The following CRHR2 variants were observed in gnomAD, a reference collection of about 807,000 sequenced individuals.
CRHR2 encodes the protein corticotropin-releasing hormone receptor 2.
CRHR2 carries 53 observed loss-of-function variants against 57.9 expected under a neutral mutation model. That is an observed-to-expected ratio of 0.92 (90% CI 0.73 to 1.15). The LOEUF is 1.15. Ranked by LOEUF, CRHR2 falls within the 50% of genes most tolerant of loss-of-function variation. The pLI is 0.00. For synonymous variants in CRHR2, 213 were observed against 220.9 expected (o/e 0.96, Z 0.32); for missense variants, 532 against 542.6 (o/e 0.98, Z 0.19).
At position 30,652,560 on chromosome 7, in the gene CRHR2, A is replaced by T. The variant is rs531183626; in HGVS notation, c.*900T>A. ...ACACCACTCTTCGGGTGCCTGGGTG[A>T]CTTGACCTGAGGGGAGGCCACTTCC... is the stretch of plus-strand genomic sequence containing the variant. On this transcript the variant is annotated 3_prime_UTR_variant, in exon 12 of 12. Transcript: ENST00000471646. The surrounding 1 kb of genome is among the most constrained non-coding windows in gnomAD (Gnocchi z 4.4). 6.6e-6 allele frequency: 1 copy of T among 152,416 alleles called. No homozygotes were observed. The highest frequency in any genetic ancestry group is 1.5e-5 in the Non-Finnish European group (1 of 68,088). 9.4% of individuals were successfully genotyped at this position (152,416 alleles called of 1,614,324 possible).
chr7:30,684,288 A>T (rs957586618), upstream of CRHR2, among the ~76,000 whole-genome samples: 1 of 152,250 alleles, frequency 6.6e-6, no homozygotes, highest in Non-Finnish European at 1.5e-5. Context: ...CCATGTATTC[A>T]CAGGGCAATA....
chr7:30,657,766 GTCCA>G (rs372801059), intron 8 of CRHR2, among the ~76,000 whole-genome samples: 86 of 151,722 alleles, frequency 5.7e-4, no homozygotes, highest in African/African-American at 1.7e-3. Context: ...TTATCCATCC[GTCCA>G]TCCATCCATC....
chr7:30,673,386 TTTTG>T (rs1477553143), intron 2 of CRHR2, among the ~76,000 whole-genome samples: 2 of 152,132 alleles, frequency 1.3e-5, no homozygotes, highest in African/African-American at 2.4e-5. Flanking sequence ...TTTGTTATTT[TTTTG>T]TTTGTTTTGT....
chr7:30,677,379 G>A (rs1276184740), intron 2 of CRHR2, among the ~76,000 whole-genome samples: 1 of 152,110 alleles, frequency 6.6e-6, no homozygotes, highest in Non-Finnish European at 1.5e-5. Flanking sequence ...GGAGAGGTGG[G>A]AGGAAAATGG....
upstream of CRHR2, chr7:30,686,442 C>T: frequency 1.3e-6 from 2 of 1,533,074 alleles, no homozygotes; most frequent in Non-Finnish European, 1.7e-6. Context: ...CCAAGGCTCT[C>T]TTCCCATTTG....
chr7:30,682,375 G>A lies in CRHR2; in HGVS notation c.-95C>T. On this transcript the variant is annotated 5_prime_UTR_variant, in exon 1 of 12. Coordinates refer to ENST00000471646, the MANE Select transcript of CRHR2 (RefSeq NM_001883.5). ...CGAGAGTGAGCGGCCGAGAGGGCGC[G>A]GGGTCCTGGCCCCCGCCAGCCCAGC... is the stretch of plus-strand genomic sequence containing the variant. The A allele has an allele frequency of 7.1e-7, 1 of 1,410,282 alleles. No homozygotes were observed. The highest frequency in any genetic ancestry group is 1.5e-5 in the South Asian group (1 of 65,206). The allele number at this position is 1,410,282 out of a possible 1,614,324, so 87.4% of individuals were successfully genotyped here.
At chr7:30,679,034 C>G (rs1407425372) in intron 2 of CRHR2, among the ~76,000 whole-genome samples, 2 of 152,142 alleles carry the variant, frequency 1.3e-5, no homozygotes, top group Non-Finnish European at 2.9e-5. Flanking sequence ...CTCATTGTTT[C>G]TTTCTCCTAC....
intron 1 of CRHR2, among the ~76,000 whole-genome samples, chr7:30,689,847 C>T (rs183842317): frequency 1.7e-4 from 26 of 152,290 alleles, no homozygotes; most frequent in African/African-American, 4.3e-4. Flanking sequence ...TAGGTTAATA[C>T]GTGAGAGAAG....
chr7:30,675,722 T>A (rs955160351), intron 2 of CRHR2, among the ~76,000 whole-genome samples: 14 of 152,310 alleles, frequency 9.2e-5, no homozygotes, highest in East Asian at 3.9e-4. Flanking sequence ...TTGGAATAAC[T>A]CCCTTCCATG....
chr7:30,686,536 C>T (rs529958060), upstream of CRHR2: 1 of 1,508,876 alleles, frequency 6.6e-7, no homozygotes, highest in South Asian at 1.2e-5. Context: ...TGGCCAGGTG[C>T]AGTGGCTCAC....
chr7:30,687,979 C>T (rs1355382406), intron 2 of CRHR2, among the ~76,000 whole-genome samples: 1 of 152,208 alleles, frequency 6.6e-6, no homozygotes, highest in African/African-American at 2.4e-5. Flanking sequence ...GATGAGGAAA[C>T]TAGCTTCAGA....
chr7:30,697,202 G>C (rs1785075719), intron 1 of CRHR2, among the ~76,000 whole-genome samples: 1 of 152,156 alleles, frequency 6.6e-6, no homozygotes, highest in African/African-American at 2.4e-5. Context: ...TCTGTGTTCT[G>C]TTCTCTTTGT....
At chr7:30,654,813 G>A in intron 11 of CRHR2, 1 of 1,539,376 alleles carries the variant, frequency 6.5e-7, no homozygotes, top group Non-Finnish European at 8.7e-7. Flanking sequence ...CCAGCTCTGA[G>A]TGCACATGTG....
intron 8 of CRHR2, among the ~76,000 whole-genome samples, chr7:30,657,787 GCCATTCAT>G (rs1399160033): frequency 1.3e-5 from 2 of 151,656 alleles, no homozygotes; most frequent in African/African-American, 2.4e-5. Context: ...CATCCATCCA[GCCATTCAT>G]CCATTCATCC....
Position 30,697,691 on chromosome 7 carries a change from G to C in CRHR2, c.-261+2253C>G, listed in dbSNP as rs1372999395. ...GCTCAGAGAGCTCCCCATGTCCTCAGATCCCACCAGGACCCATACAGCTCT... is the reference window on the plus strand; with the variant it reads ...GCTCAGAGAGCTCCCCATGTCCTCACATCCCACCAGGACCCATACAGCTCT... On this transcript the variant is annotated intron_variant, in intron 1 of 13. Transcript: ENST00000341843. Among the ~76,000 whole-genome samples the C allele has an allele frequency of 2.0e-5, 3 of 152,270 alleles. No individual in the cohort carries two copies. The East Asian group carries it at 5.8e-4, about 29-fold the overall frequency.
intron 2 of CRHR2, among the ~76,000 whole-genome samples, chr7:30,678,774 T>A (rs1293052904): frequency 1.3e-5 from 2 of 152,200 alleles, no homozygotes; most frequent in Non-Finnish European, 2.9e-5. Flanking sequence ...ACCTTTACCT[T>A]GCCATCTCTC....
At chr7:30,667,164 C>T (rs555794996) in intron 3 of CRHR2, 64 bp downstream of exon 3, 5 of 1,479,088 alleles carry the variant, frequency 3.4e-6, no homozygotes, top group East Asian at 4.5e-5. Context: ...GGGATCTTCT[C>T]TGCTCAACCT....
At chr7:30,683,678 GC>G (rs1249515716), upstream of CRHR2, among the ~76,000 whole-genome samples, 3 of 152,168 alleles carry the variant, frequency 2.0e-5, no homozygotes, top group African/African-American at 7.2e-5. Context: ...CTTCCCCGAG[GC>G]CCCTCTCAGC....
intron 1 of CRHR2, among the ~76,000 whole-genome samples, chr7:30,696,137 C>T (rs75626108): frequency 0.02 from 3,041 of 151,838 alleles, 98 homozygotes; most frequent in African/African-American, 0.069. Context: ...GAATGGTTAC[C>T]GGAGGCTGGG....
Sources: gnomAD v4.1 joint callset for allele counts (sites outside exome capture counted in the v4.1 genomes callset) on GRCh38, gnomAD v4.1.1 for gene constraint, Gnocchi (gnomAD v3.1) non-coding constraint, MANE v1.5 for transcripts, NCBI Gene and HGNC (gene_info 2026-07-23, HGNC 2026-07-21) for gene names.